Variants in PTH2R observed in about 807,000 individuals in gnomAD.
PTH2R encodes PTH2 receptor.
A neutral mutation model predicts 60.3 loss-of-function variants in PTH2R; 59 were observed. That is an observed-to-expected ratio of 0.98 (90% CI 0.79 to 1.22). The LOEUF is 1.22. Among genes scored for constraint, PTH2R ranks in the 50% most tolerant of loss-of-function variants. The pLI, the probability that PTH2R is intolerant of heterozygous loss-of-function variation, is 0.00. For missense variants in PTH2R, 749 were observed against 682.6 expected, an observed-to-expected ratio of 1.10 and a Z score of -1.08; for synonymous variants, 256 against 243.8, an observed-to-expected ratio of 1.05 and a Z score of -0.47.
Position 208,407,126 on chromosome 2 carries a change from C to G in PTH2R, c.75+8C>G, listed in dbSNP as rs753962657. 3 of 1,404,046 alleles carry G rather than the reference C, an allele frequency of 2.1e-6. No homozygotes were observed. The highest frequency in any genetic ancestry group is 3.6e-5 in the South Asian group (2 of 55,114). The allele number at this position is 1,404,046 out of a possible 1,614,324, so 87.0% of individuals were successfully genotyped here. ...CTCCTGGCCAGAGCCCAGGTAAGAGCCAGTGCTCCGCGACACCTGTTTTCG... is the reference window on the plus strand; with the variant it reads ...CTCCTGGCCAGAGCCCAGGTAAGAGGCAGTGCTCCGCGACACCTGTTTTCG... On this transcript the variant is annotated splice_region_variant and intron_variant, in intron 1 of 12. Coordinates refer to ENST00000272847, the MANE Select transcript of PTH2R (RefSeq NM_005048.4).
chr2:208,396,866 T>C (rs1427957251), intron 1 of PTH2R, among the ~76,000 whole-genome samples: 1 of 152,204 alleles, frequency 6.6e-6, no homozygotes. Flanking sequence ...TGTATGTTTA[T>C]TGCGGCACTA....
At chr2:208,459,759 A>C in intron 8 of PTH2R, 136 bp from the exon 9 acceptor site, 2 of 719,468 alleles carry the variant, frequency 2.8e-6, no homozygotes, top group Non-Finnish European at 2.4e-6. Flanking sequence ...GGGTGTTTTA[A>C]GATAAGATTT....
chr2:208,412,641 G>T (rs1035881919), intron 1 of PTH2R, among the ~76,000 whole-genome samples: 6 of 152,206 alleles, frequency 3.9e-5, no homozygotes, highest in Admixed American at 1.3e-4. Context: ...CCTGGCTGTA[G>T]TCCACGTTTT....
chr2:208,427,860 T>G (rs910610609), intron 1 of PTH2R, among the ~76,000 whole-genome samples: 5 of 150,984 alleles, frequency 3.3e-5, no homozygotes, highest in Admixed American at 3.3e-4. Context: ...TTTTTTGTAG[T>G]ATATTATCTC....
At position 208,437,830 on chromosome 2, in the gene PTH2R, C is replaced by G; in HGVS notation, c.360C>G (p.Ala120=). The G allele has an allele frequency of 1.2e-6, 2 of 1,613,748 alleles. No homozygotes were observed. Among genetic ancestry groups the G allele is most frequent in the Non-Finnish European group, 1.7e-6 (2 of 1,179,738 alleles). Residue 120 remains alanine (A), a synonymous_variant, in exon 4 of 13, where the codon GCC becomes GCG. Transcript: ENST00000272847. ...TGCACAGCTTAAATAAAACATGGGC[C>G]AATTATTCAGACTGCCTTCGCTTTC... The part of the protein sequence containing the change: ...DFMHSLNKTW[A]NYSDCLRFLQ...
At chr2:208,360,156 C>CAT (rs1280345942) in exon 1 of PTH2R, 6 of 453,044 alleles carry the variant, frequency 1.3e-5, no homozygotes, top group African/African-American at 8.0e-5. Flanking sequence ...TTGTCACCAG[C>CAT]ATAGTGCTTT....
At chr2:208,390,194 C>T (rs1314067450) in intron 1 of PTH2R, among the ~76,000 whole-genome samples, 1 of 152,130 alleles carries the variant, frequency 6.6e-6, no homozygotes, top group African/African-American at 2.4e-5. Context: ...GGTCCTTTCC[C>T]GCTACTTTTA....
chr2:208,487,207 C>T (rs529109178), intron 10 of PTH2R, among the ~76,000 whole-genome samples: 13 of 152,254 alleles, frequency 8.5e-5, no homozygotes, highest in African/African-American at 2.9e-4. Context: ...GACTTCTAGG[C>T]CCTATTTCCT....
intron 1 of PTH2R, among the ~76,000 whole-genome samples, chr2:208,377,861 C>G (rs1249401806): frequency 6.7e-6 from 1 of 149,356 alleles, no homozygotes; most frequent in Non-Finnish European, 1.5e-5. Flanking sequence ...TGATGGTGGC[C>G]GGGAAGAGGC....
intron 9 of PTH2R, 23 bp from the exon 10 acceptor site, chr2:208,481,047 T>TAACA: frequency 6.8e-7 from 1 of 1,468,340 alleles, no homozygotes; most frequent in Admixed American, 1.8e-5. Context: ...AATAATTCTT[T>TAACA]GTAATCTTAC....
chr2:208,388,140 C>CCCA (rs1553541033), intron 1 of PTH2R, among the ~76,000 whole-genome samples: 2 of 149,684 alleles, frequency 1.3e-5, no homozygotes, highest in South Asian at 2.2e-4. Flanking sequence ...AAACCCCCCC[C>CCCA]CCCGTCTCTA....
intron 1 of PTH2R, among the ~76,000 whole-genome samples, chr2:208,395,375 G>T (rs1701189917): frequency 6.6e-6 from 1 of 152,048 alleles, no homozygotes; most frequent in Admixed American, 6.6e-5. Flanking sequence ...GCAAAAGGAA[G>T]CTGCGGTATT....
chr2:208,427,814 G>A (rs1342112606), intron 1 of PTH2R, among the ~76,000 whole-genome samples: 3 of 151,284 alleles, frequency 2.0e-5, no homozygotes, highest in African/African-American at 7.3e-5. Flanking sequence ...TTATAATATT[G>A]CAGGAAATTA....
At chr2:208,450,658 T>C in intron 7 of PTH2R, 91 bp from the exon 8 acceptor site, 2 of 1,259,626 alleles carry the variant, frequency 1.6e-6, no homozygotes, top group Non-Finnish European at 2.3e-6. Context: ...TCTGAACAGC[T>C]AATAGTATAT....
upstream of PTH2R, among the ~76,000 whole-genome samples, chr2:208,402,703 A>C (rs1394024132): frequency 1.3e-5 from 2 of 152,222 alleles, no homozygotes; most frequent in Non-Finnish European, 2.9e-5. Context: ...AAGACTCAAC[A>C]TAAATTGCTC....
intron 8 of PTH2R, among the ~76,000 whole-genome samples, chr2:208,459,561 A>C (rs1441631129): frequency 6.6e-6 from 1 of 152,134 alleles, no homozygotes; most frequent in Admixed American, 6.6e-5. Flanking sequence ...TCATTCCAAT[A>C]ATAGTAAAAG....
chr2:208,415,023 G>A (rs1005665861), intron 1 of PTH2R, among the ~76,000 whole-genome samples: 3 of 152,232 alleles, frequency 2.0e-5, no homozygotes, highest in Admixed American at 2.0e-4. Flanking sequence ...AAGGAGACAT[G>A]ACAACTAAAC....
At chr2:208,388,645 A>G (rs1701052676) in intron 1 of PTH2R, among the ~76,000 whole-genome samples, 1 of 152,218 alleles carries the variant, frequency 6.6e-6, no homozygotes, top group Non-Finnish European at 1.5e-5. Flanking sequence ...AACACAGTGT[A>G]ATAGTGATTA....
At chr2:208,486,223 C>G (rs900756272) in intron 10 of PTH2R, among the ~76,000 whole-genome samples, 3 of 152,136 alleles carry the variant, frequency 2.0e-5, no homozygotes, top group African/African-American at 7.2e-5. Context: ...TAAATTCATA[C>G]TAGTTTGTTA....
Sources: gnomAD v4.1 joint callset for allele counts (sites outside exome capture counted in the v4.1 genomes callset) on GRCh38, gnomAD v4.1.1 for gene constraint, MANE v1.5 for transcripts, NCBI Gene and HGNC (gene_info 2026-07-23, HGNC 2026-07-21) for gene names.